Variants in ZBTB7C observed in about 807,000 individuals in gnomAD.
ZBTB7C encodes the protein zinc finger and BTB domain-containing protein 7C.
A neutral mutation model predicts 25.7 loss-of-function variants in ZBTB7C; 8 were observed. The ratio of observed to expected loss-of-function variants is 0.31; its 90% CI spans 0.18 to 0.56. ZBTB7C has a LOEUF of 0.56. Ranked by LOEUF, ZBTB7C falls within the 20% of genes least tolerant of loss-of-function variation. The pLI is 0.91. For missense variants in ZBTB7C, 824 were observed against 855.2 expected, an observed-to-expected ratio of 0.96 and a Z score of 0.46; for synonymous variants, 394 against 369.0, an observed-to-expected ratio of 1.07 and a Z score of -0.78.
chr18:48,226,815 T>C (rs1195131896), intron 2 of ZBTB7C, among the ~76,000 whole-genome samples: 2 of 151,862 alleles, frequency 1.3e-5, no homozygotes, highest in African/African-American at 2.4e-5. Context: ...ATTCAGGAGA[T>C]TGAGATGATC....
chr18:48,326,704 A>G (rs1051555749), intron 2 of ZBTB7C, among the ~76,000 whole-genome samples: 5 of 152,258 alleles, frequency 3.3e-5, no homozygotes, highest in African/African-American at 1.2e-4. Flanking sequence ...CAGAGTATTC[A>G]ATAGGCTATG....
intron 2 of ZBTB7C, among the ~76,000 whole-genome samples, chr18:48,297,873 T>C (rs1189085411): frequency 6.6e-6 from 1 of 152,232 alleles, no homozygotes; most frequent in African/African-American, 2.4e-5. Flanking sequence ...TATGAAAATG[T>C]GTGCCTTCAT....
intron 2 of ZBTB7C, among the ~76,000 whole-genome samples, chr18:48,245,092 G>GTGTATATATATATATATATATATATA (rs1555723392): frequency 7.9e-6 from 1 of 126,294 alleles, no homozygotes; most frequent in African/African-American, 3.2e-5. Context: ...GTGTGTGTGT[G>GTGTATATATATATATATATATATATA]TATATATATA....
intron 3 of ZBTB7C, among the ~76,000 whole-genome samples, chr18:48,076,396 T>C (rs956801182): frequency 6.6e-6 from 1 of 152,026 alleles, no homozygotes; most frequent in Admixed American, 6.5e-5. Context: ...AAATGGAAAG[T>C]GCTGGGTGCC....
chr18:48,238,415 C>T (rs577012126), intron 2 of ZBTB7C, among the ~76,000 whole-genome samples: 177 of 152,282 alleles, frequency 1.2e-3, no homozygotes, highest in Admixed American at 3.3e-3. Context: ...TTGAAGGAAG[C>T]GGCTTGCCAC....
At chr18:48,289,809 C>G (rs2045167548) in intron 2 of ZBTB7C, among the ~76,000 whole-genome samples, 1 of 151,996 alleles carries the variant, frequency 6.6e-6, no homozygotes, top group African/African-American at 2.4e-5. Flanking sequence ...GGTGATGGTT[C>G]CATGGTGTAA....
At position 48,040,336 on chromosome 18, in the gene ZBTB7C, G is replaced by A. The variant is rs749224821; in HGVS notation, c.772C>T (p.His258Tyr). Residue 258 changes from histidine to tyrosine, a missense_variant, in exon 4 of 5, where the codon CAC becomes TAC. Transcript: ENST00000590800. ...LSPFAPDFFP[H>Y]LWPGDFGAFA... is the part of the protein sequence containing the mutation. Reference sequence around the variant, plus strand: ...GCACCGAAGTCCCCTGGCCAGAGGTGTGGAAAGAAGTCCGGGGCGAATGGA... The same window carrying A: ...GCACCGAAGTCCCCTGGCCAGAGGTATGGAAAGAAGTCCGGGGCGAATGGA... The A allele has an allele frequency of 6.2e-7, 1 of 1,602,946 alleles. No individual in the cohort carries two copies. Among genetic ancestry groups the A allele is most frequent in the South Asian group, 1.1e-5 (1 of 88,390 alleles).
chr18:48,184,731 G>T (rs1389691918), intron 3 of ZBTB7C, among the ~76,000 whole-genome samples: 3 of 152,076 alleles, frequency 2.0e-5, no homozygotes, highest in Admixed American at 6.6e-5. Context: ...TGCTGTATTG[G>T]TGACTGTCCG....
intron 3 of ZBTB7C, among the ~76,000 whole-genome samples, chr18:48,073,366 G>C (rs1421730605): frequency 2.0e-5 from 3 of 152,194 alleles, no homozygotes; most frequent in Non-Finnish European, 4.4e-5. Flanking sequence ...GCAGGGCCAG[G>C]CGAGCAGAGC....
intron 2 of ZBTB7C, among the ~76,000 whole-genome samples, chr18:48,193,485 T>C (rs902868848): frequency 6.6e-6 from 1 of 152,054 alleles, no homozygotes; most frequent in Non-Finnish European, 1.5e-5. Flanking sequence ...AAAAAAAACC[T>C]GATTATAAGC....
intron 2 of ZBTB7C, among the ~76,000 whole-genome samples, chr18:48,239,274 C>T (rs2043461172): frequency 6.6e-6 from 1 of 152,170 alleles, no homozygotes; most frequent in Admixed American, 6.5e-5. Context: ...CTCTTGGGAG[C>T]TCTATGGCCC....
At chr18:48,237,759 C>T (rs1568322673) in intron 2 of ZBTB7C, among the ~76,000 whole-genome samples, 1 of 152,090 alleles carries the variant, frequency 6.6e-6, no homozygotes, top group African/African-American at 2.4e-5. Flanking sequence ...AACATGTGTG[C>T]ACATGGTTAC....
chr18:48,077,059 A>T, intron 3 of ZBTB7C: 18 of 510,204 alleles, frequency 3.5e-5, no homozygotes, highest in Non-Finnish European at 4.2e-5. Flanking sequence ...ATGTTGTTAT[A>T]TGCAAAAAAA....
intron 4 of ZBTB7C, among the ~76,000 whole-genome samples, chr18:48,031,626 A>G (rs535473402): frequency 2.1e-4 from 32 of 152,218 alleles, no homozygotes; most frequent in African/African-American, 7.7e-4. Flanking sequence ...GCTGGGCCCT[A>G]CTCCCAGAGA....
At chr18:48,402,074 G>A (rs2048170710) in intron 1 of ZBTB7C, among the ~76,000 whole-genome samples, 1 of 151,968 alleles carries the variant, frequency 6.6e-6, no homozygotes, top group East Asian at 1.9e-4. Context: ...TATTCACTGG[G>A]CAAAATAGTT....
intron 2 of ZBTB7C, among the ~76,000 whole-genome samples, chr18:48,220,960 T>A (rs549294453): frequency 6.6e-6 from 1 of 151,988 alleles, no homozygotes; most frequent in East Asian, 1.9e-4. Flanking sequence ...GTTCTTAGTC[T>A]CCCTCTATAC....
chr18:48,113,584 T>C (rs2039322095), intron 3 of ZBTB7C, among the ~76,000 whole-genome samples: 1 of 152,224 alleles, frequency 6.6e-6, no homozygotes, highest in Non-Finnish European at 1.5e-5. Context: ...GCCATTTTCA[T>C]TCCACTCCAA....
chr18:48,132,840 A>G (rs2040028213), intron 3 of ZBTB7C, among the ~76,000 whole-genome samples: 1 of 152,244 alleles, frequency 6.6e-6, no homozygotes, highest in South Asian at 2.1e-4. Flanking sequence ...CTCCACAGCC[A>G]AGAAAGCAAT....
chr18:48,045,757 T>C (rs2036444081), intron 3 of ZBTB7C, among the ~76,000 whole-genome samples: 1 of 151,088 alleles, frequency 6.6e-6, no homozygotes, highest in Non-Finnish European at 1.5e-5. Context: ...CCTTGAACTG[T>C]AATGATTGGT....
Sources: gnomAD v4.1 joint callset for allele counts (sites outside exome capture counted in the v4.1 genomes callset) on GRCh38, gnomAD v4.1.1 for gene constraint, MANE v1.5 for transcripts, NCBI Gene and HGNC (gene_info 2026-07-23, HGNC 2026-07-21) for gene names.